IL1RAPL1: variants seen among roughly 807,000 people sequenced by gnomAD.
The protein encoded by IL1RAPL1 is interleukin 1 receptor accessory protein like 1.
Under a neutral mutation model 48.4 loss-of-function variants are expected in IL1RAPL1, and 3 were observed. The ratio of observed to expected loss-of-function variants is 0.06; its 90% CI spans 0.03 to 0.16. The LOEUF (loss-of-function observed/expected upper bound fraction) is 0.16. Among genes scored for constraint, IL1RAPL1 ranks in the 10% least tolerant of loss-of-function variants. The probability of loss-of-function intolerance (pLI) is 1.00; values close to 1 mark genes in which losing one functional copy is unlikely to be tolerated. For synonymous variants in IL1RAPL1, 185 were observed against 187.7 expected (o/e 0.99, Z 0.12); for missense variants, 349 against 530.6 (o/e 0.66, Z 3.36).
intron 10 of IL1RAPL1, 53 bp from the exon 11 acceptor site, chrX:29,955,049 C>A: frequency 9.6e-7 from 1 of 1,039,525 alleles, no homozygotes; most frequent in Non-Finnish European, 1.4e-6. Context: ...CTAGGACTTT[C>A]TGGACCAAAT....
At chrX:29,943,138 GGT>G (rs1166230794) in intron 9 of IL1RAPL1, among the ~76,000 whole-genome samples, 1 of 111,167 alleles carries the variant, frequency 9.0e-6, no homozygotes, top group Non-Finnish European at 1.9e-5. Context: ...TTCCCATTAG[GGT>G]GAAGCCTGAG....
At chrX:29,059,292 TTG>T (rs1212588511) in intron 2 of IL1RAPL1, among the ~76,000 whole-genome samples, 1 of 111,881 alleles carries the variant, frequency 8.9e-6, no homozygotes, top group African/African-American at 3.2e-5. Flanking sequence ...TAACAGAATT[TTG>T]TGTGTGTGTT....
chrX:28,924,801 A>C (rs757318532), intron 2 of IL1RAPL1, among the ~76,000 whole-genome samples: 1 of 112,479 alleles, frequency 8.9e-6, no homozygotes, highest in African/African-American at 3.2e-5. Flanking sequence ...GTGGCAAAGT[A>C]AACTTCATTT....
chrX:28,866,028 A>C (rs1922069133), intron 2 of IL1RAPL1, among the ~76,000 whole-genome samples: 2 of 112,122 alleles, frequency 1.8e-5, no homozygotes, highest in Non-Finnish European at 3.8e-5. Context: ...CTATAAAAGG[A>C]GCAGAGAAAT....
At chrX:29,340,436 A>C (rs905659881) in intron 3 of IL1RAPL1, among the ~76,000 whole-genome samples, 2 of 111,974 alleles carry the variant, frequency 1.8e-5, no homozygotes, top group East Asian at 2.8e-4. Flanking sequence ...GAATTCACAC[A>C]ATATGTGACT....
intron 2 of IL1RAPL1, among the ~76,000 whole-genome samples, chrX:28,831,771 CAAG>C (rs950782801): frequency 9.9e-5 from 11 of 110,792 alleles, no homozygotes; most frequent in African/African-American, 3.6e-4. Context: ...TTCATGGAAA[CAAG>C]AATTTCAGAG....
chrX:29,092,878 G>C (rs1928122181), intron 2 of IL1RAPL1, among the ~76,000 whole-genome samples: 1 of 111,692 alleles, frequency 9.0e-6, no homozygotes, highest in Non-Finnish European at 1.9e-5. Context: ...TGATAGTGTT[G>C]GACACTGAAA....
rs1428168124 is a variant in IL1RAPL1 at position 29,449,312 on chromosome X, A to T, written c.703+50004A>T. Among the ~76,000 whole-genome samples, 3 of 111,262 alleles carry T rather than the reference A, an allele frequency of 2.7e-5. No individual in the cohort carries two copies. The Admixed American group carries it at 2.9e-4, about 11-fold the overall frequency. On this transcript the variant is annotated intron_variant, in intron 5 of 10. Coordinates refer to ENST00000378993, the MANE Select transcript of IL1RAPL1 (RefSeq NM_014271.4). ...GTTTAAGTAGGGTATTAGCAGTTTA[A>T]TGATGATGGGGTAACAGTTATATGT... is the stretch of plus-strand genomic sequence containing the variant.
intron 5 of IL1RAPL1, among the ~76,000 whole-genome samples, chrX:29,598,924 T>C (rs1177372441): frequency 1.8e-5 from 2 of 112,021 alleles, no homozygotes; most frequent in Non-Finnish European, 3.8e-5. Context: ...TGTGAATCCT[T>C]ATGTGTCAGG....
chrX:29,095,632 A>G (rs975694876), intron 2 of IL1RAPL1, among the ~76,000 whole-genome samples: 2 of 111,590 alleles, frequency 1.8e-5, no homozygotes, highest in Non-Finnish European at 3.8e-5. Flanking sequence ...TAACATGGTG[A>G]CCTTAATCTT....
chrX:28,914,909 T>C (rs1461573441), intron 2 of IL1RAPL1, among the ~76,000 whole-genome samples: 2 of 112,356 alleles, frequency 1.8e-5, no homozygotes, highest in Non-Finnish European at 3.8e-5. Context: ...TTTAGGCATA[T>C]GAACTACAGG....
At chrX:29,127,978 AT>A (rs1165708325) in intron 2 of IL1RAPL1, among the ~76,000 whole-genome samples, 4 of 108,994 alleles carry the variant, frequency 3.7e-5, no homozygotes, top group East Asian at 2.9e-4. Flanking sequence ...AAAAAAAAAA[AT>A]ATTAACATGG....
At chrX:29,795,080 C>T (rs1383183426) in intron 6 of IL1RAPL1, among the ~76,000 whole-genome samples, 1 of 111,873 alleles carries the variant, frequency 8.9e-6, no homozygotes, top group Non-Finnish European at 1.9e-5. Flanking sequence ...AGTAAATTAG[C>T]ACATCTGTTG....
At chrX:29,733,396 T>G in intron 6 of IL1RAPL1, among the ~76,000 whole-genome samples, 1 of 112,126 alleles carries the variant, frequency 8.9e-6, no homozygotes, top group Admixed American at 9.5e-5. Context: ...GAACAGTAGC[T>G]GAAAAGTAGC....
chrX:29,283,621 C>T lies in IL1RAPL1; in HGVS notation c.362+404C>T, dbSNP rs189579201. Among the ~76,000 whole-genome samples, 251 of 112,238 alleles carry T rather than the reference C, an allele frequency of 2.2e-3. 1 individual carries two copies. Among genetic ancestry groups the T allele is most frequent in the African/African-American group, 7.8e-3 (241 of 30,917 alleles). On this transcript the variant is annotated intron_variant, in intron 3 of 10. Transcript: ENST00000378993. ...AGCATGGATACTTCTGGTTCACACA[C>T]ATTTGCAAAGATGATTTAGGTAATG...
At chrX:29,923,295 G>A (rs1029179628) in intron 8 of IL1RAPL1, among the ~76,000 whole-genome samples, 2 of 112,335 alleles carry the variant, frequency 1.8e-5, no homozygotes, top group Non-Finnish European at 1.9e-5. Context: ...AATCTTGCTC[G>A]AGAATATCCA....
At chrX:28,768,753 C>CTATAATA (rs1190280943) in intron 1 of IL1RAPL1, among the ~76,000 whole-genome samples, 1 of 53,588 alleles carries the variant, frequency 1.9e-5, no homozygotes, top group Non-Finnish European at 3.2e-5. Flanking sequence ...CTCTCTCTCT[C>CTATAATA]TCTATATATA....
chrX:29,609,019 T>C (rs1924010409), intron 5 of IL1RAPL1, among the ~76,000 whole-genome samples: 1 of 111,576 alleles, frequency 9.0e-6, no homozygotes, highest in Admixed American at 9.4e-5. Context: ...TTCCATGGGC[T>C]ACCAAGTCCA....
intron 5 of IL1RAPL1, among the ~76,000 whole-genome samples, chrX:29,429,995 C>T (rs1483942399): frequency 9.5e-6 from 1 of 105,211 alleles, no homozygotes; most frequent in East Asian, 3.0e-4. Flanking sequence ...GGACTTCTGG[C>T]CTCAAGCAGT....
Sources: gnomAD v4.1 joint callset for allele counts (sites outside exome capture counted in the v4.1 genomes callset) on GRCh38, gnomAD v4.1.1 for gene constraint, MANE v1.5 for transcripts, NCBI Gene and HGNC (gene_info 2026-07-23, HGNC 2026-07-21) for gene names.